SPTBN4: variants seen among roughly 807,000 people sequenced by gnomAD.
The protein encoded by SPTBN4 is spectrin beta chain, non-erythrocytic 4.
A neutral mutation model predicts 277.8 loss-of-function variants in SPTBN4; 96 were observed. The ratio of observed to expected loss-of-function variants is 0.35; its 90% CI spans 0.29 to 0.41. The LOEUF (loss-of-function observed/expected upper bound fraction) is 0.41. Among genes scored for constraint, SPTBN4 ranks in the 10% least tolerant of loss-of-function variants. The pLI is 1.00. For synonymous variants in SPTBN4, 1,481 were observed against 1,580.3 expected, an observed-to-expected ratio of 0.94 and a Z score of 1.49; for missense variants, 3,006 against 3,595.7, an observed-to-expected ratio of 0.84 and a Z score of 4.19.
Position 40,539,994 on chromosome 19 carries a change from C to T in SPTBN4, c.4359+5651C>T, listed in dbSNP as rs539484914. Among the ~76,000 whole-genome samples, 9 of 151,542 alleles carry T rather than the reference C, an allele frequency of 5.9e-5. 1 individual carries two copies. In the South Asian group the frequency reaches 1.2e-3, roughly 21 times the overall value. ...AGGCTGGAGCGCAGTGGCACAATCT[C>T]GGCTCACTGCAACCCTCTGCCTCCT... On this transcript the variant is annotated intron_variant, in intron 20 of 35. Coordinates refer to ENST00000598249, the MANE Select transcript of SPTBN4 (RefSeq NM_020971.3).
At chr19:40,570,759 G>T (rs935613317) in intron 33 of SPTBN4, 31 bp downstream of exon 33, 24 of 1,594,578 alleles carry the variant, frequency 1.5e-5, no homozygotes, top group African/African-American at 5.4e-5. Context: ...TTGGAAGGCG[G>T]GTCTCAGGCT....
chr19:40,523,437 G>C lies in SPTBN4; in HGVS notation c.3655G>C (p.Glu1219Gln). The change falls in exon 17 of 36, where the codon GAG becomes CAG. Residue 1219 changes from glutamate to glutamine, a missense_variant and splice_region_variant. Glu to Gln is a conservative substitution (Grantham distance 29). This residue lies in a region of SPTBN4 where 1,759 missense variants were observed against 2,061.5 expected (regional missense o/e 0.85). Transcript: ENST00000598249. ...TTGCACCACGCTCCCTCCTCCCCAG[G>C]AGATGGCGCTGTCTGGTGCGGAGCT... Reference protein sequence around the residue: ...RQALVVLRNQEMALSGAELPG... With the variant: ...RQALVVLRNQQMALSGAELPG... The C allele has an allele frequency of 6.3e-7, 1 of 1,599,636 alleles. No homozygotes were observed.
intron 22 of SPTBN4, among the ~76,000 whole-genome samples, chr19:40,550,745 C>T (rs1260714488): frequency 6.6e-6 from 1 of 152,116 alleles, no homozygotes; most frequent in East Asian, 1.9e-4. Context: ...GCTCGAACTC[C>T]TGGCCTCAAG....
At chr19:40,529,192 C>A in intron 18 of SPTBN4, 61 bp downstream of exon 18, 1 of 1,510,270 alleles carries the variant, frequency 6.6e-7, no homozygotes, top group Non-Finnish European at 9.2e-7. Context: ...GGAAGTGCTT[C>A]TCGGCCGAGG....
At position 40,567,854 on chromosome 19, in the gene SPTBN4, G is replaced by C. The variant is rs758029975; in HGVS notation, c.6528G>C (p.Val2176=). 9.1e-5 allele frequency: 139 copies of C among 1,525,538 alleles called. No individual in the cohort carries two copies. The highest frequency in any genetic ancestry group is 2.1e-4 in the Middle Eastern group (1 of 4,838). The allele number at this position is 1,525,538 out of a possible 1,614,324, so 94.5% of individuals were successfully genotyped here. A position where few individuals can be genotyped will look rare whatever the true frequency, so the allele number is the denominator to read the frequency against. ...TCTCGGCCGAGGTGCGGACTCGGGT[G>C]GGGTATGTGCGCCAGGAGCTCAAGC... is the stretch of plus-strand genomic sequence containing the variant. ...DTLSAEVRTR[V]GYVRQELKPE... The change falls in exon 31 of 36, where the codon GTG becomes GTC. Residue 2176 remains valine (V), a synonymous_variant. Coordinates refer to ENST00000598249, the MANE Select transcript of SPTBN4 (RefSeq NM_020971.3).
intron 4 of SPTBN4, among the ~76,000 whole-genome samples, chr19:40,492,321 C>T (rs933539408): frequency 6.6e-6 from 1 of 152,042 alleles, no homozygotes; most frequent in African/African-American, 2.4e-5. Context: ...TTGAGGAACA[C>T]CCTGAGGCCA....
intron 22 of SPTBN4, among the ~76,000 whole-genome samples, chr19:40,550,871 G>A (rs2080911099): frequency 6.6e-6 from 1 of 152,150 alleles, no homozygotes; most frequent in African/African-American, 2.4e-5. Context: ...CTCTCCTGGT[G>A]ATAAAAGGCC....
intron 17 of SPTBN4, among the ~76,000 whole-genome samples, chr19:40,524,859 T>C (rs947208451): frequency 2.0e-5 from 3 of 152,216 alleles, no homozygotes; most frequent in Non-Finnish European, 4.4e-5. Context: ...AGCGAAGATA[T>C]TTATTGAGCA....
chr19:40,552,062 A>T (rs2080923474), intron 22 of SPTBN4, among the ~76,000 whole-genome samples: 1 of 151,998 alleles, frequency 6.6e-6, no homozygotes. Flanking sequence ...TCATGCCTGT[A>T]ATCCCAGCAC....
In SPTBN4 at chr19:40,566,206, T is replaced by G; in HGVS notation, c.6183T>G (p.Asp2061Glu). 6.5e-7 allele frequency: 1 copy of G among 1,547,786 alleles called. No homozygotes were observed. The highest frequency in any genetic ancestry group is 8.7e-7 in the Non-Finnish European group (1 of 1,144,720). The stretch of plus-strand genomic sequence containing the variant: ...TTGCCCAGGAGGCGGTGGTGGCTGA[T>G]GCCTGGCTGACAGCCCAGGAGCCGC... ...HQFAQEAVVA[D>E]AWLTAQEPLL... The change falls in exon 30 of 36, where the codon GAT becomes GAG. Residue 2061 changes from aspartate (D) to glutamate (E), a missense_variant. By Grantham distance (45) the Asp-to-Glu change is conservative. Transcript: ENST00000598249.
rs560308549 is a variant in SPTBN4, at chr19:40,502,077, G to C, written c.897+44G>C. 13 of 1,613,728 alleles carry C rather than the reference G, an allele frequency of 8.1e-6. No individual in the cohort carries two copies. In the South Asian group the frequency reaches 1.1e-4, roughly 14 times the overall value. ...TGGGTGAGTGGGAAGCTGGAAGCTG[G>C]TGGCAGGCACGGGTGGGATGAGGCT... On this transcript the variant is annotated intron_variant, in intron 8 of 35. Transcript: ENST00000598249. This position sits in a 1 kb window ranked among gnomAD's most constrained non-coding sequence, Gnocchi z 4.9.
intron 31 of SPTBN4, 68 bp from the exon 32 acceptor site, chr19:40,569,589 C>A: frequency 6.5e-7 from 1 of 1,548,668 alleles, no homozygotes; most frequent in East Asian, 2.3e-5. Flanking sequence ...GCTCCTCTGC[C>A]CAGCCAGACA....
chr19:40,472,530 G>T, intron 1 of SPTBN4, 77 bp from the exon 2 acceptor site: 1 of 1,324,942 alleles, frequency 7.5e-7, no homozygotes, highest in East Asian at 2.5e-5. Context: ...GGACAAGAGA[G>T]GGGACAGGAC....
rs1435369662 is a variant in SPTBN4, at chr19:40,513,348, G to C, written c.2559G>C (p.Gln853His). ...SGAGPLVVAL[Q>H]VRVVEAEQLF... ...CAGGGCCACTGGTGGTGGCGCTGCA[G>C]GTGCGCGTGGTGGAAGCAGAGCAGT... Residue 853 changes from glutamine (Q) to histidine (H), a missense_variant, in exon 14 of 36, where the codon CAG (glutamine) becomes CAC (histidine). Physicochemically the swap from Gln to His is conservative, Grantham distance 24. This residue lies in a region of SPTBN4 where 1,759 missense variants were observed against 2,061.5 expected (regional missense o/e 0.85). Coordinates refer to ENST00000598249, the MANE Select transcript of SPTBN4 (RefSeq NM_020971.3). 6.3e-7 allele frequency: 1 copy of C among 1,592,798 alleles called. No individual in the cohort carries two copies. The highest frequency in any genetic ancestry group is 8.5e-7 in the Non-Finnish European group (1 of 1,171,956).
intron 2 of SPTBN4, among the ~76,000 whole-genome samples, chr19:40,485,277 G>A (rs896425482): frequency 4.6e-5 from 7 of 152,272 alleles, no homozygotes; most frequent in Middle Eastern, 3.4e-3. Flanking sequence ...AGCCTCCTGA[G>A]TAGCTGAGAT....
intron 2 of SPTBN4, among the ~76,000 whole-genome samples, 172 bp downstream of exon 2, chr19:40,472,962 C>G (rs4306639): frequency 6.6e-6 from 1 of 152,082 alleles, no homozygotes; most frequent in African/African-American, 2.4e-5. Flanking sequence ...TCACTAGTCT[C>G]TGTGACTTTT....
Position 40,519,648 on chromosome 19 carries a change from C to A in SPTBN4, c.3151C>A (p.Arg1051Ser). The A allele has an allele frequency of 1.4e-6, 2 of 1,400,176 alleles. No homozygotes were observed. The highest frequency in any genetic ancestry group is 1.8e-6 in the Non-Finnish European group (2 of 1,088,956). The allele number at this position is 1,400,176 out of a possible 1,614,324, so 86.7% of individuals were successfully genotyped here. Reference protein sequence around the residue: ...LLEEAALLAERFPAQAARLHQ... With the variant: ...LLEEAALLAESFPAQAARLHQ... ...GGAGGAGGCAGCCCTGCTGGCTGAG[C>A]GCTTCCCGGCGCAGGCGGCGCGGCT... Residue 1051 changes from arginine (R) to serine (S), a missense_variant, in exon 16 of 36, where the codon CGC (arginine) becomes AGC (serine). Physicochemically the swap from Arg to Ser is moderately radical, Grantham distance 110 (BLOSUM62 -1). Coordinates refer to ENST00000598249, the MANE Select transcript of SPTBN4 (RefSeq NM_020971.3). The surrounding 1 kb of genome is among the most constrained non-coding windows in gnomAD (Gnocchi z 5.7).
At chr19:40,552,852 CTG>C (rs1332372870) in intron 22 of SPTBN4, among the ~76,000 whole-genome samples, 3 of 152,148 alleles carry the variant, frequency 2.0e-5, no homozygotes, top group African/African-American at 7.2e-5. Context: ...GGGAGCTCAG[CTG>C]TGTGTGCAGT....
At chr19:40,552,154 C>T (rs80099671) in intron 22 of SPTBN4, among the ~76,000 whole-genome samples, 1 of 150,248 alleles carries the variant, frequency 6.7e-6, no homozygotes, top group Admixed American at 6.6e-5. Flanking sequence ...CCTGTCTCTA[C>T]TAAAAATGCA....
Sources: allele counts gnomAD v4.1 joint callset (sites outside exome capture counted in the v4.1 genomes callset), GRCh38; gene constraint gnomAD v4.1.1; regional missense constraint gnomAD v4.1.1; non-coding constraint Gnocchi (gnomAD v3.1); transcripts MANE v1.5; gene names NCBI Gene and HGNC (gene_info 2026-07-23, HGNC 2026-07-21).